Variants in LHFPL6 observed in about 807,000 individuals in gnomAD.
LHFPL6 encodes the protein LHFPL tetraspan subfamily member 6.
A neutral mutation model predicts 20.6 loss-of-function variants in LHFPL6; 9 were observed. The ratio of observed to expected loss-of-function variants is 0.44; its 90% CI spans 0.26 to 0.76. LHFPL6 has a LOEUF of 0.76. LHFPL6 is among the 30% of genes least tolerant of loss of function. The probability of loss-of-function intolerance (pLI) is 0.20; values close to 1 mark genes in which losing one functional copy is unlikely to be tolerated. For missense variants in LHFPL6, 218 were observed against 253.5 expected (o/e 0.86, Z 0.95); for synonymous variants, 105 against 98.7 (o/e 1.06, Z -0.38).
At chr13:39,522,716 T>C (rs529038385) in intron 2 of LHFPL6, among the ~76,000 whole-genome samples, 25 of 152,374 alleles carry the variant, frequency 1.6e-4, no homozygotes, top group African/African-American at 5.8e-4. Context: ...TTATACATAA[T>C]GATCTGTATA....
chr13:39,415,206 C>T (rs977744324), intron 2 of LHFPL6, among the ~76,000 whole-genome samples: 2 of 152,086 alleles, frequency 1.3e-5, no homozygotes, highest in African/African-American at 2.4e-5. Flanking sequence ...GGATCAAAGA[C>T]CAAAGTGAAA....
chr13:39,506,206 G>A (rs1224025255), intron 2 of LHFPL6, among the ~76,000 whole-genome samples: 2 of 152,146 alleles, frequency 1.3e-5, no homozygotes, highest in Admixed American at 6.5e-5. Flanking sequence ...TTCTGTGGAC[G>A]TAATATTCTG....
intron 2 of LHFPL6, among the ~76,000 whole-genome samples, chr13:39,523,604 C>G (rs1235455527): frequency 6.6e-6 from 1 of 151,028 alleles, no homozygotes; most frequent in Non-Finnish European, 1.5e-5. Flanking sequence ...ATATGAAGAC[C>G]CAGGTCATAA....
chr13:39,562,669 C>T (rs12021215), intron 2 of LHFPL6, among the ~76,000 whole-genome samples: 2 of 117,422 alleles, frequency 1.7e-5, no homozygotes, highest in African/African-American at 5.8e-5. Context: ...CACATATATA[C>T]ACACATATAT....
intron 2 of LHFPL6, among the ~76,000 whole-genome samples, chr13:39,541,702 T>C (rs1870804981): frequency 6.6e-6 from 1 of 152,180 alleles, no homozygotes; most frequent in Non-Finnish European, 1.5e-5. Context: ...TGAGCTATGA[T>C]ATGCTACAGA....
At chr13:39,523,351 C>G (rs1297871972) in intron 2 of LHFPL6, among the ~76,000 whole-genome samples, 1 of 152,046 alleles carries the variant, frequency 6.6e-6, no homozygotes, top group East Asian at 1.9e-4. Flanking sequence ...GGGCGGATCA[C>G]GAGGTCAGGA....
At chr13:39,355,974 T>A (rs924767138) in intron 3 of LHFPL6, among the ~76,000 whole-genome samples, 1 of 152,156 alleles carries the variant, frequency 6.6e-6, no homozygotes, top group Non-Finnish European at 1.5e-5. Context: ...GTTAGGCAGA[T>A]CATTAAGGCA....
intron 3 of LHFPL6, among the ~76,000 whole-genome samples, chr13:39,346,221 G>T (rs2138332715): frequency 6.6e-6 from 1 of 152,240 alleles, no homozygotes; most frequent in East Asian, 1.9e-4. Context: ...GTCACCATGA[G>T]TCAACAGCAG....
chr13:39,463,082 C>A (rs1199382716), intron 2 of LHFPL6, among the ~76,000 whole-genome samples: 6 of 152,178 alleles, frequency 3.9e-5, no homozygotes, highest in African/African-American at 1.4e-4. Context: ...CGATCTCTGG[C>A]AGAGACAGGA....
chr13:39,530,373 G>C (rs1870428469), intron 2 of LHFPL6, among the ~76,000 whole-genome samples: 1 of 152,058 alleles, frequency 6.6e-6, no homozygotes, highest in South Asian at 2.1e-4. Context: ...TAGGAAGAGA[G>C]GTGCCTGGAG....
chr13:39,596,200 A>C (rs187699040), intron 2 of LHFPL6, among the ~76,000 whole-genome samples: 290 of 152,312 alleles, frequency 1.9e-3, no homozygotes, highest in African/African-American at 6.8e-3. Flanking sequence ...TGTGACAAGA[A>C]CTAAGAGAAA....
intron 2 of LHFPL6, among the ~76,000 whole-genome samples, chr13:39,503,735 A>G (rs1869375147): frequency 6.6e-6 from 1 of 152,218 alleles, no homozygotes; most frequent in African/African-American, 2.4e-5. Flanking sequence ...TCTCTATCCA[A>G]TTCTATTCAA....
intron 2 of LHFPL6, among the ~76,000 whole-genome samples, chr13:39,493,426 TAAAAG>T (rs1277972260): frequency 6.6e-6 from 1 of 151,884 alleles, no homozygotes; most frequent in Non-Finnish European, 1.5e-5. Flanking sequence ...CATCAAATAA[TAAAAG>T]AATCATAAAT....
chr13:39,368,507 G>C (rs924549626), intron 3 of LHFPL6, among the ~76,000 whole-genome samples: 3 of 152,134 alleles, frequency 2.0e-5, no homozygotes, highest in African/African-American at 7.2e-5. Context: ...TCTTGAACCT[G>C]AAAGGTGGAG....
chr13:39,577,025 T>C (rs1314617253), intron 2 of LHFPL6, among the ~76,000 whole-genome samples: 1 of 152,182 alleles, frequency 6.6e-6, no homozygotes, highest in Non-Finnish European at 1.5e-5. Flanking sequence ...TGTTGAGACC[T>C]ACTGTGTGCT....
intron 2 of LHFPL6, among the ~76,000 whole-genome samples, chr13:39,525,894 C>G (rs1357199155): frequency 8.6e-5 from 13 of 150,604 alleles, no homozygotes; most frequent in Admixed American, 8.6e-4. Flanking sequence ...ACCTAAAACT[C>G]AGTGGACAAA....
At position 39,594,617 on chromosome 13, in the gene LHFPL6, G is replaced by T. The variant is rs1438178489; in HGVS notation, c.385+6215C>A. On this transcript the variant is annotated intron_variant, in intron 2 of 3. Coordinates refer to ENST00000379589, the MANE Select transcript of LHFPL6 (RefSeq NM_005780.3). ...TTTGACCCAGCCATCCCATTACTGG[G>T]TATATACCCAAAGGATTATAAAACA... Among the ~76,000 whole-genome samples, 8 of 152,250 alleles carry T rather than the reference G, an allele frequency of 5.3e-5. No homozygotes were observed. In the East Asian group the frequency reaches 1.5e-3, roughly 29 times the overall value.
chr13:39,388,211 T>C (rs903627961), intron 2 of LHFPL6, among the ~76,000 whole-genome samples: 6 of 152,248 alleles, frequency 3.9e-5, no homozygotes, highest in African/African-American at 1.4e-4. Context: ...TACTTCGGGT[T>C]TCCTTAAAAT....
At chr13:39,346,926 C>A (rs1869415367) in intron 3 of LHFPL6, among the ~76,000 whole-genome samples, 2 of 151,928 alleles carry the variant, frequency 1.3e-5, no homozygotes, top group Admixed American at 1.3e-4. Context: ...AGTTCTTAGG[C>A]CATTACATAA....
Sources: gnomAD v4.1 joint callset for allele counts (sites outside exome capture counted in the v4.1 genomes callset) on GRCh38, gnomAD v4.1.1 for gene constraint, MANE v1.5 for transcripts, NCBI Gene and HGNC (gene_info 2026-07-23, HGNC 2026-07-21) for gene names.